PML: variants seen among roughly 807,000 people sequenced by gnomAD.
PML encodes the protein PML nuclear body scaffold.
Under a neutral mutation model 65.2 loss-of-function variants are expected in PML, and 28 were observed. The observed-to-expected ratio is 0.43, with a 90% CI of 0.32 to 0.59. PML has a LOEUF of 0.59. Among genes scored for constraint, PML ranks in the 20% least tolerant of loss-of-function variants. The probability of loss-of-function intolerance (pLI) is 0.08; values close to 1 mark genes in which losing one functional copy is unlikely to be tolerated. For synonymous variants in PML, 500 were observed against 508.8 expected (o/e 0.98, Z 0.23); for missense variants, 1,021 against 1,203.4 (o/e 0.85, Z 2.24).
In PML at chr15:74,034,484, G is replaced by A. The variant is rs200546578; in HGVS notation, c.1664G>A (p.Arg555His). ...VASGAGEAEERVVVISSSEDS... is the reference protein window; with the variant it reads ...VASGAGEAEEHVVVISSSEDS... ...CTCCCCTTCCCCGTTTCAGAGGAAC[G>A]CGTTGTGGTGATCAGCAGCTCGGAA... The change falls in exon 7 of 9, where the codon CGC becomes CAC. Residue 555 changes from arginine (R) to histidine (H), a missense_variant. Arg to His is a conservative substitution (Grantham distance 29, BLOSUM62 0). Transcript: ENST00000268058. 3.1e-6 allele frequency: 5 copies of A among 1,614,142 alleles called. No homozygotes were observed. Among genetic ancestry groups the A allele is most frequent in the African/African-American group, 2.7e-5 (2 of 75,020 alleles).
At chr15:74,012,464 G>A (rs1049460187) in intron 2 of PML, among the ~76,000 whole-genome samples, 2 of 151,790 alleles carry the variant, frequency 1.3e-5, no homozygotes, top group Admixed American at 6.6e-5. Flanking sequence ...GTGAGCCACC[G>A]TGCCTGGCCA....
intron 2 of PML, among the ~76,000 whole-genome samples, chr15:74,017,748 A>G (rs1418664724): frequency 6.6e-6 from 1 of 152,202 alleles, no homozygotes; most frequent in Non-Finnish European, 1.5e-5. Context: ...GGTCTGTTCT[A>G]CTGATCCTTC....
Position 74,044,546 on chromosome 15 carries a change from G to A in PML, c.2187G>A (p.Leu729=). 6.2e-7 allele frequency: 1 copy of A among 1,613,468 alleles called. No individual in the cohort carries two copies. The highest frequency in any genetic ancestry group is 8.5e-7 in the Non-Finnish European group (1 of 1,180,020). Residue 729 remains leucine, a synonymous_variant, in exon 9 of 9, where the codon CTG becomes CTA. Transcript: ENST00000268058. ...PGASSFKLKN[L]AQTYLARNMS... ...CCAGCAGCTTCAAACTCAAGAACCT[G>A]GCCCAGACCTACCTGGCGAGAAACA...
rs542394262 is a variant in PML, at chr15:74,010,303, G to A, written c.602+11827G>A. 1.4e-4 allele frequency among the ~76,000 whole-genome samples: 21 copies of A among 148,952 alleles called. No individual in the cohort carries two copies. The South Asian group carries it at 4.5e-3, about 32-fold the overall frequency. On this transcript the variant is annotated intron_variant, in intron 2 of 8. Transcript: ENST00000268058. ...CTGCCTGGGCCTCCCGAAGTGCTGG[G>A]ATTACAGGCGTGAACCACTGTGCCC...
At chr15:74,027,736 C>G (rs1193391485) in intron 4 of PML, 2 of 152,208 alleles carry the variant, frequency 1.3e-5, no homozygotes, top group Non-Finnish European at 2.9e-5. Context: ...CGTGGCCTCT[C>G]ACTATCAGCT....
At chr15:74,003,640 C>A (rs2069890337) in intron 2 of PML, among the ~76,000 whole-genome samples, 2 of 152,158 alleles carry the variant, frequency 1.3e-5, no homozygotes, top group Non-Finnish European at 1.5e-5. Context: ...CAGATTACTA[C>A]CAAATTGTTA....
In PML at chr15:74,043,105, T is replaced by C; in HGVS notation, c.1827T>C (p.Pro609=). 1 of 1,613,356 alleles carries C rather than the reference T, an allele frequency of 6.2e-7. No homozygotes were observed. The highest frequency in any genetic ancestry group is 1.3e-5 in the African/African-American group (1 of 74,776). ...CTGACCCCCAAGCAGAAGACAGACC[T>C]CTGGTTTTCTTTGACCTCAAGATTG... ...NLADPQAEDR[P]LVFFDLKIDN... is the part of the protein sequence containing the mutation. The change falls in exon 8 of 9, where the codon CCT becomes CCC. Residue 609 remains proline (P), a synonymous_variant. Coordinates refer to ENST00000268058, the MANE Select transcript of PML (RefSeq NM_033238.3). The surrounding 1 kb of genome is among the most constrained non-coding windows in gnomAD (Gnocchi z 4.3).
At chr15:74,012,157 C>G (rs895981732) in intron 2 of PML, among the ~76,000 whole-genome samples, 1 of 152,012 alleles carries the variant, frequency 6.6e-6, no homozygotes, top group African/African-American at 2.4e-5. Flanking sequence ...AGAAAAAAAC[C>G]CCAAGACATT....
At chr15:74,033,084 G>A in intron 5 of PML, 72 bp from the exon 6 acceptor site, 1 of 1,558,460 alleles carries the variant, frequency 6.4e-7, no homozygotes, top group Non-Finnish European at 8.8e-7. Context: ...ACAAGTCCCT[G>A]GCAGTCAGGG....
At chr15:74,009,825 T>A (rs2070236182) in intron 2 of PML, among the ~76,000 whole-genome samples, 1 of 152,158 alleles carries the variant, frequency 6.6e-6, no homozygotes, top group Non-Finnish European at 1.5e-5. Context: ...AGTGCTGTGA[T>A]TACAGGCTTG....
At position 74,022,983 on chromosome 15, in the gene PML, C is replaced by T; in HGVS notation, c.758C>T (p.Ala253Val). Reference protein sequence around the residue: ...MTQALQEQDSAFGAVHAQMHA... With the variant: ...MTQALQEQDSVFGAVHAQMHA... ...CAGGCGCTGCAGGAGCAGGATAGTG[C>T]CTTTGGCGCGGTTCACGCGCAGATG... The change falls in exon 3 of 9, where the codon GCC becomes GTC. Residue 253 changes from alanine (A) to valine (V), a missense_variant. Coordinates refer to ENST00000268058, the MANE Select transcript of PML (RefSeq NM_033238.3). 1 of 1,610,140 alleles carries T rather than the reference C, an allele frequency of 6.2e-7. No individual in the cohort carries two copies. The highest frequency in any genetic ancestry group is 8.5e-7 in the Non-Finnish European group (1 of 1,178,856).
At chr15:74,008,111 G>A (rs2070150896) in intron 2 of PML, among the ~76,000 whole-genome samples, 1 of 152,212 alleles carries the variant, frequency 6.6e-6, no homozygotes. Context: ...TGGGGAAGGT[G>A]GCTTCCAAGA....
intron 2 of PML, among the ~76,000 whole-genome samples, chr15:74,021,895 G>T (rs1390333134): frequency 6.6e-6 from 1 of 152,220 alleles, no homozygotes; most frequent in Admixed American, 6.5e-5. Context: ...TGCACCTAGA[G>T]GAATGCTCTG....
chr15:74,034,708 C>T (rs1027946314), intron 7 of PML, 178 bp downstream of exon 7: 33 of 1,523,500 alleles, frequency 2.2e-5, no homozygotes, highest in African/African-American at 1.4e-5. Context: ...ATGCCTGGAC[C>T]ACCCCAGCCC....
rs927066705 is a variant in PML at position 74,045,818 on chromosome 15, A to G, written c.*810A>G. 4.3e-6 allele frequency: 1 copy of G among 232,248 alleles called. No homozygotes were observed. Among genetic ancestry groups the G allele is most frequent in the Admixed American group, 5.6e-5 (1 of 17,742 alleles). The allele number at this position is 232,248 out of a possible 1,614,324, so 14.4% of individuals were successfully genotyped here. ...CAGCATGTAGTCCAGGACCTGCGGC[A>G]TCAGCATCCCCTGGGAGCTTCTTAG... On this transcript the variant is annotated 3_prime_UTR_variant, in exon 9 of 9. Coordinates refer to ENST00000268058, the MANE Select transcript of PML (RefSeq NM_033238.3).
At position 73,998,019 on chromosome 15, in the gene PML, G is replaced by T; in HGVS notation, c.145G>T (p.Glu49Ter). The change falls in exon 2 of 9, where the codon GAG becomes TAG. Residue 49 changes from glutamate to a stop codon, truncating the protein, a stop_gained. Coordinates refer to ENST00000268058, the MANE Select transcript of PML (RefSeq NM_033238.3). LOFTEE classifies it high-confidence loss of function. The stretch of plus-strand genomic sequence containing the variant: ...GGTCCCCCAGCGAGCCCCCGCTTCG[G>T]AGGAGGAGTTCCAGTTTCTGCGCTG... Reference protein sequence around the residue: ...PSPTERAPASEEEFQFLRCQQ... With the variant: ...PSPTERAPAS 1 of 1,612,240 alleles carries T rather than the reference G, an allele frequency of 6.2e-7. No homozygotes were observed. Among genetic ancestry groups the T allele is most frequent in the South Asian group, 1.1e-5 (1 of 91,004 alleles).
At position 74,031,817 on chromosome 15, in the gene PML, C is replaced by T. The variant is rs117372482; in HGVS notation, c.1255-755C>T. 1.2e-4 allele frequency among the ~76,000 whole-genome samples: 18 copies of T among 152,320 alleles called. No individual in the cohort carries two copies. In the East Asian group the frequency reaches 3.1e-3, roughly 26 times the overall value. Reference sequence around the variant, plus strand: ...GAGTAGTAATAAGAACAATATTTATCATCATCAATGACATTTTCTAAGTGC... The same window carrying T: ...GAGTAGTAATAAGAACAATATTTATTATCATCAATGACATTTTCTAAGTGC... On this transcript the variant is annotated intron_variant, in intron 4 of 8. Transcript: ENST00000268058.
At chr15:74,002,705 C>T (rs1176543895) in intron 2 of PML, among the ~76,000 whole-genome samples, 3 of 151,574 alleles carry the variant, frequency 2.0e-5, no homozygotes, top group Non-Finnish European at 4.4e-5. Context: ...CCACCCGCCT[C>T]AGCCTCCCAA....
At chr15:74,031,307 C>G (rs760494208) in intron 4 of PML, 52 of 435,512 alleles carry the variant, frequency 1.2e-4, no homozygotes, top group Admixed American at 1.2e-3. Flanking sequence ...CAGAGTCTCA[C>G]TCTGTGCCCC....
Sources: gnomAD v4.1 joint callset for allele counts (sites outside exome capture counted in the v4.1 genomes callset) on GRCh38, gnomAD v4.1.1 for gene constraint, Gnocchi (gnomAD v3.1) non-coding constraint, MANE v1.5 for transcripts, NCBI Gene and HGNC (gene_info 2026-07-23, HGNC 2026-07-21) for gene names.